Variants in TXNL4A observed in about 807,000 individuals in gnomAD.
TXNL4A encodes the protein thioredoxin like 4A, also known as thioredoxin-like protein 4A.
In TXNL4A, 17 loss-of-function variants were observed where a neutral mutation model predicts 14.6. The observed-to-expected ratio is 1.16, with a 90% CI of 0.80 to 1.74. The LOEUF (loss-of-function observed/expected upper bound fraction) is 1.74. Among genes scored for constraint, TXNL4A ranks in the 40% most tolerant of loss-of-function variants. The probability of loss-of-function intolerance (pLI) is 0.00; values close to 1 mark genes in which losing one functional copy is unlikely to be tolerated. For missense variants in TXNL4A, 74 were observed against 195.2 expected (o/e 0.38, Z 3.70); for synonymous variants, 83 against 70.6 (o/e 1.18, Z -0.88).
chr18:80,021,877 C>A (rs2051851558), intron 1 of TXNL4A, among the ~76,000 whole-genome samples: 2 of 152,124 alleles, frequency 1.3e-5, no homozygotes, highest in South Asian at 4.2e-4. Flanking sequence ...TGTAGCCTGG[C>A]CAATTTTCCC....
At chr18:80,002,722 C>T (rs182405833) in intron 1 of TXNL4A, among the ~76,000 whole-genome samples, 33 of 152,308 alleles carry the variant, frequency 2.2e-4, no homozygotes, top group African/African-American at 7.5e-4. Context: ...TTATTCCACC[C>T]CCTAATTAGA....
chr18:80,000,375 G>C (rs1568374515), intron 1 of TXNL4A, among the ~76,000 whole-genome samples: 1 of 152,356 alleles, frequency 6.6e-6, no homozygotes, highest in Non-Finnish European at 1.5e-5. Flanking sequence ...TTTTAGGAAA[G>C]AGAATGGTGG....
intron 1 of TXNL4A, chr18:79,986,647 C>T (rs770696178): frequency 6.1e-6 from 6 of 985,462 alleles, no homozygotes; most frequent in Non-Finnish European, 7.2e-6. Context: ...TCTTGCTGAG[C>T]TGTGCTCGGA....
intron 1 of TXNL4A, among the ~76,000 whole-genome samples, chr18:80,004,522 G>C (rs902200780): frequency 1.3e-5 from 2 of 152,160 alleles, no homozygotes; most frequent in African/African-American, 4.8e-5. Context: ...CAGCAATCTG[G>C]GGGGGATTCG....
At chr18:80,027,167 A>T (rs2051890042) in intron 1 of TXNL4A, among the ~76,000 whole-genome samples, 1 of 152,116 alleles carries the variant, frequency 6.6e-6, no homozygotes, top group Non-Finnish European at 1.5e-5. Context: ...GATAAACCCT[A>T]AGAAACCCCT....
At chr18:80,021,401 T>C (rs1199782002) in intron 1 of TXNL4A, among the ~76,000 whole-genome samples, 2 of 152,006 alleles carry the variant, frequency 1.3e-5, no homozygotes, top group Non-Finnish European at 2.9e-5. Flanking sequence ...ATGGTCTTGA[T>C]CTCCTGACCT....
At position 80,015,355 on chromosome 18, in the gene TXNL4A, A is replaced by AATTATTATTATTATT. The variant is rs60860228; in HGVS notation, c.-61+18481_-61+18495dup. 1.8e-3 allele frequency among the ~76,000 whole-genome samples: 269 copies of AATTATTATTATTATT among 148,492 alleles called. 1 individual carries two copies. Among genetic ancestry groups the AATTATTATTATTATT allele is most frequent in the East Asian group, 0.01 (51 of 5,030 alleles). On this transcript the variant is annotated intron_variant, in intron 1 of 2. Transcript: ENST00000585474. ...TTTAAAACAAAATGCTTTTTTAAAAAATTATTATTATTATTATTATTATAC... is the reference window on the plus strand; with the variant it reads ...TTTAAAACAAAATGCTTTTTTAAAAAATTATTATTATTATTATTATTATTATTATTATTATTATAC...
At chr18:80,030,504 T>C (rs2051913611) in intron 1 of TXNL4A, 1 of 152,242 alleles carries the variant, frequency 6.6e-6, no homozygotes, top group Admixed American at 6.5e-5. Flanking sequence ...GAACACCTGC[T>C]TGATATGCGG....
At chr18:80,033,406 G>A (rs1177979247) in intron 1 of TXNL4A, among the ~76,000 whole-genome samples, 1 of 152,208 alleles carries the variant, frequency 6.6e-6, no homozygotes, top group Non-Finnish European at 1.5e-5. Flanking sequence ...TCCACGCCCG[G>A]GGGGAGCAGC....
At chr18:80,009,337 A>G (rs1321329334) in intron 1 of TXNL4A, among the ~76,000 whole-genome samples, 5 of 152,152 alleles carry the variant, frequency 3.3e-5, no homozygotes, top group Non-Finnish European at 5.9e-5. Flanking sequence ...AAAGCTGTAA[A>G]CATTTTGACT....
chr18:80,004,578 G>C (rs1769956950), intron 1 of TXNL4A, among the ~76,000 whole-genome samples: 1 of 152,212 alleles, frequency 6.6e-6, no homozygotes, highest in Non-Finnish European at 1.5e-5. Flanking sequence ...TGGTTGAAGA[G>C]GAAAGTAAGT....
chr18:80,017,470 GC>G (rs2051819513), intron 1 of TXNL4A, among the ~76,000 whole-genome samples: 1 of 151,948 alleles, frequency 6.6e-6, no homozygotes, highest in Admixed American at 6.6e-5. Context: ...TCCAGTTTTT[GC>G]CCATTCAGTA....
At chr18:80,019,033 G>A (rs1446775632) in intron 1 of TXNL4A, among the ~76,000 whole-genome samples, 1 of 152,142 alleles carries the variant, frequency 6.6e-6, no homozygotes, top group African/African-American at 2.4e-5. Flanking sequence ...CAAGCCTCTA[G>A]GAAGTTCCAA....
intron 1 of TXNL4A, among the ~76,000 whole-genome samples, chr18:80,015,051 C>T (rs967269580): frequency 2.0e-5 from 3 of 152,178 alleles, no homozygotes; most frequent in Non-Finnish European, 2.9e-5. Flanking sequence ...GCACCAAGTC[C>T]CTAGGCCGCA....
Position 80,011,671 on chromosome 18 carries a change from G to A in TXNL4A, c.-61+22180C>T, listed in dbSNP as rs989285067. Among the ~76,000 whole-genome samples the A allele has an allele frequency of 1.3e-5, 2 of 152,098 alleles. No individual in the cohort carries two copies. Among genetic ancestry groups the A allele is most frequent in the African/African-American group, 2.4e-5 (1 of 41,410 alleles). ...AACCGCTCGGCGGCATTCCACAGGT[G>A]GCTCAGGGAGATAACACTTCCTTGA... On this transcript the variant is annotated intron_variant, in intron 1 of 2. Transcript: ENST00000585474. This position sits in a 1 kb window ranked among gnomAD's most constrained non-coding sequence, Gnocchi z 4.1.
chr18:80,003,312 G>A (rs1159178239), intron 1 of TXNL4A, among the ~76,000 whole-genome samples: 1 of 152,222 alleles, frequency 6.6e-6, no homozygotes, highest in Non-Finnish European at 1.5e-5. Flanking sequence ...CCTGTGCAGT[G>A]TGACACCCCA....
intron 1 of TXNL4A, among the ~76,000 whole-genome samples, chr18:79,981,009 C>A (rs2051456311): frequency 6.6e-6 from 1 of 152,216 alleles, no homozygotes; most frequent in African/African-American, 2.4e-5. Flanking sequence ...GCTTTATTTT[C>A]ATGGTAAACT....
chr18:79,986,674 C>A, intron 1 of TXNL4A: 4 of 985,464 alleles, frequency 4.1e-6, no homozygotes, highest in Non-Finnish European at 4.8e-6. Context: ...GAGACAAAGG[C>A]CCTCACATCT....
chr18:79,991,259 C>T (rs894714114), upstream of TXNL4A, among the ~76,000 whole-genome samples: 5 of 152,044 alleles, frequency 3.3e-5, no homozygotes, highest in Non-Finnish European at 5.9e-5. Flanking sequence ...AAAACCTATA[C>T]CCATTAACAG....
Sources: allele counts gnomAD v4.1 joint callset (sites outside exome capture counted in the v4.1 genomes callset), GRCh38; gene constraint gnomAD v4.1.1; non-coding constraint Gnocchi (gnomAD v3.1); transcripts MANE v1.5; gene names NCBI Gene and HGNC (gene_info 2026-07-23, HGNC 2026-07-21).